The following SPOCK3 variants were observed in gnomAD, a reference collection of about 807,000 sequenced individuals.
SPOCK3 encodes testican-3.
In SPOCK3, 30 loss-of-function variants were observed where a neutral mutation model predicts 56.6. The ratio of observed to expected loss-of-function variants is 0.53; its 90% CI spans 0.40 to 0.72. SPOCK3 has a LOEUF of 0.72. Among genes scored for constraint, SPOCK3 ranks in the 30% least tolerant of loss-of-function variants. The probability of loss-of-function intolerance (pLI) is 0.00; values close to 1 mark genes in which losing one functional copy is unlikely to be tolerated. For missense variants in SPOCK3, 527 were observed against 530.0 expected, an observed-to-expected ratio of 0.99 and a Z score of 0.06; for synonymous variants, 196 against 183.3, an observed-to-expected ratio of 1.07 and a Z score of -0.56.
chr4:167,225,412 G>T (rs1180633185), intron 2 of SPOCK3, among the ~76,000 whole-genome samples: 2 of 151,972 alleles, frequency 1.3e-5, no homozygotes, highest in Non-Finnish European at 2.9e-5. Flanking sequence ...AGAATATTAG[G>T]GAAAGCATCA....
At chr4:167,234,284 G>A (rs1476492269) in intron 1 of SPOCK3, 111 bp from the exon 2 acceptor site, 81 of 1,089,826 alleles carry the variant, frequency 7.4e-5, no homozygotes, top group Non-Finnish European at 9.4e-5. Context: ...AGGGTAGAGG[G>A]AGGAGGAGAC....
chr4:166,824,443 T>C (rs180750885), intron 6 of SPOCK3, among the ~76,000 whole-genome samples: 122 of 152,222 alleles, frequency 8.0e-4, no homozygotes, highest in African/African-American at 2.8e-3. Context: ...TCTAGTATGA[T>C]AATATCTGAC....
chr4:166,742,724 A>C (rs1211634600), intron 8 of SPOCK3, among the ~76,000 whole-genome samples: 1 of 152,202 alleles, frequency 6.6e-6, no homozygotes, highest in African/African-American at 2.4e-5. Context: ...TATTTTAAAA[A>C]TAAGCTGAAA....
chr4:166,829,915 G>T lies in SPOCK3; in HGVS notation c.590-37626C>A, dbSNP rs200588589. On this transcript the variant is annotated intron_variant, in intron 6 of 10. Transcript: ENST00000357545. ...AGGAAAAAGCTTCCTCCTTGACACTGTGGTGGAATTGACTGTATCATCTAT... is the reference window on the plus strand; with the variant it reads ...AGGAAAAAGCTTCCTCCTTGACACTTTGGTGGAATTGACTGTATCATCTAT... Among the ~76,000 whole-genome samples the T allele has an allele frequency of 1.4e-3, 206 of 152,148 alleles. 2 individuals are homozygous for T. The East Asian group carries it at 0.035, about 26-fold the overall frequency.
At chr4:166,926,497 G>A (rs1394432078) in intron 4 of SPOCK3, among the ~76,000 whole-genome samples, 1 of 152,080 alleles carries the variant, frequency 6.6e-6, no homozygotes, top group Non-Finnish European at 1.5e-5. Context: ...GGGAAGGTTT[G>A]ATACCTGGGT....
intron 5 of SPOCK3, among the ~76,000 whole-genome samples, chr4:166,894,819 C>T (rs1449890500): frequency 5.3e-5 from 8 of 152,144 alleles, no homozygotes; most frequent in Admixed American, 2.6e-4. Flanking sequence ...ATTTTCCAAA[C>T]AGGAATTATT....
chr4:166,832,955 T>C (rs1380349111), intron 6 of SPOCK3, among the ~76,000 whole-genome samples: 1 of 152,156 alleles, frequency 6.6e-6, no homozygotes, highest in Admixed American at 6.5e-5. Flanking sequence ...TTAGGTACTA[T>C]ACTCACTACC....
chr4:166,859,656 T>C (rs545471557), intron 6 of SPOCK3, among the ~76,000 whole-genome samples: 1 of 152,226 alleles, frequency 6.6e-6, no homozygotes, highest in Admixed American at 6.5e-5. Flanking sequence ...AATAAAATTA[T>C]TATTATGAAT....
chr4:167,166,263 A>G (rs1297823937), intron 2 of SPOCK3, among the ~76,000 whole-genome samples: 3 of 152,156 alleles, frequency 2.0e-5, no homozygotes, highest in African/African-American at 7.2e-5. Flanking sequence ...TCTTTTTAAA[A>G]ATAAGAAGTC....
At chr4:166,790,068 A>G (rs377438232) in intron 7 of SPOCK3, among the ~76,000 whole-genome samples, 6 of 152,246 alleles carry the variant, frequency 3.9e-5, no homozygotes, top group East Asian at 1.9e-4. Context: ...TGGGTACACA[A>G]TGTAGTATAT....
intron 2 of SPOCK3, among the ~76,000 whole-genome samples, chr4:167,161,545 T>TA (rs1475971528): frequency 1.3e-5 from 2 of 152,150 alleles, no homozygotes; most frequent in South Asian, 2.1e-4. Context: ...ACTGGGTATA[T>TA]ACCCAAAGGA....
chr4:167,203,795 T>C (rs924928530), intron 2 of SPOCK3, among the ~76,000 whole-genome samples: 4 of 152,106 alleles, frequency 2.6e-5, no homozygotes, highest in African/African-American at 9.7e-5. Context: ...GCTCTACACA[T>C]ATGAGATAAA....
intron 2 of SPOCK3, among the ~76,000 whole-genome samples, chr4:167,176,999 T>C (rs1250537048): frequency 1.3e-5 from 2 of 152,154 alleles, no homozygotes; most frequent in East Asian, 1.9e-4. Flanking sequence ...CAGACAGGGC[T>C]ATTTTTTCAA....
intron 3 of SPOCK3, among the ~76,000 whole-genome samples, chr4:167,053,745 A>G (rs984509194): frequency 6.6e-6 from 1 of 152,064 alleles, no homozygotes; most frequent in African/African-American, 2.4e-5. Context: ...CAATCTAATG[A>G]ACCAGTAGAT....
At chr4:166,777,680 T>G (rs375516245) in intron 7 of SPOCK3, among the ~76,000 whole-genome samples, 1 of 152,072 alleles carries the variant, frequency 6.6e-6, no homozygotes, top group East Asian at 1.9e-4. Context: ...GGGCCTGCAA[T>G]GAGCTATGAT....
chr4:167,189,517 T>C lies in SPOCK3; in HGVS notation c.189+44468A>G, dbSNP rs989008617. 1.0e-4 allele frequency among the ~76,000 whole-genome samples: 15 copies of C among 145,626 alleles called. 3 individuals carry two copies. Among genetic ancestry groups the C allele is most frequent in the Non-Finnish European group, 1.9e-4 (13 of 66,826 alleles). Reference sequence around the variant, plus strand: ...TGAGGTACAATAAATAAAAATTGTATGTTTCAAGGTGTACAATGTGATTAT... The same window carrying C: ...TGAGGTACAATAAATAAAAATTGTACGTTTCAAGGTGTACAATGTGATTAT... On this transcript the variant is annotated intron_variant, in intron 2 of 10. Coordinates refer to ENST00000357545, the MANE Select transcript of SPOCK3 (RefSeq NM_001040159.2).
At chr4:167,196,169 T>C (rs138101157) in intron 2 of SPOCK3, among the ~76,000 whole-genome samples, 1 of 152,298 alleles carries the variant, frequency 6.6e-6, no homozygotes, top group African/African-American at 2.4e-5. Context: ...TTTAAAAATA[T>C]ACCAAAAGCT....
chr4:167,055,214 G>C (rs573488870), intron 3 of SPOCK3, among the ~76,000 whole-genome samples: 1 of 152,228 alleles, frequency 6.6e-6, no homozygotes, highest in South Asian at 2.1e-4. Context: ...CCATAATTCA[G>C]TGAAAAATAT....
rs924850265 is a variant in SPOCK3 at position 166,736,830 on chromosome 4, C to T, written c.1132+637G>A. The stretch of plus-strand genomic sequence containing the variant: ...GTTTTATGAAGTACAAATGGTACCA[C>T]AATGGAAACTTTAAAATGCATGTAT... On this transcript the variant is annotated intron_variant, in intron 10 of 10. Transcript: ENST00000357545. 2.0e-5 allele frequency among the ~76,000 whole-genome samples: 3 copies of T among 151,872 alleles called. No homozygotes were observed. In the South Asian group the frequency reaches 6.2e-4, roughly 32 times the overall value.
Sources: allele counts gnomAD v4.1 joint callset (sites outside exome capture counted in the v4.1 genomes callset), GRCh38; gene constraint gnomAD v4.1.1; transcripts MANE v1.5; gene names NCBI Gene and HGNC (gene_info 2026-07-23, HGNC 2026-07-21).